MOSPD2: variants seen among roughly 807,000 people sequenced by gnomAD.
MOSPD2 encodes the protein motile sperm domain-containing protein 2.
A neutral mutation model predicts 41.7 loss-of-function variants in MOSPD2; 5 were observed. The ratio of observed to expected loss-of-function variants is 0.12; its 90% confidence interval spans 0.06 to 0.25. MOSPD2 has a LOEUF of 0.25. Ranked by LOEUF, MOSPD2 falls within the 10% of genes least tolerant of loss-of-function variation. The probability of loss-of-function intolerance (pLI) is 1.00; values close to 1 mark genes in which losing one functional copy is unlikely to be tolerated. For missense variants in MOSPD2, 282 were observed against 375.2 expected, an observed-to-expected ratio of 0.75 and a Z score of 2.05; for synonymous variants, 115 against 126.9, an observed-to-expected ratio of 0.91 and a Z score of 0.63.
At chrX:14,886,551 G>C (rs2092541879) in intron 2 of MOSPD2, among the ~76,000 whole-genome samples, 1 of 102,958 alleles carries the variant, frequency 9.7e-6, no homozygotes, top group Non-Finnish European at 1.9e-5. Context: ...ACACACGAGA[G>C]AGAGAGAGAG....
Position 14,892,576 on chromosome X carries a change from T to G in MOSPD2, c.80-147T>G, listed in dbSNP as rs190186415. ...ACAATAGCACCATCAATCTTTTAAA[T>G]GGCGCTTTTATCTGAACTACATCCC... On this transcript the variant is annotated intron_variant, in intron 2 of 14. Transcript: ENST00000380492. The G allele has an allele frequency of 2.6e-3, 1,188 of 450,663 alleles. 9 individuals carry two copies. Among genetic ancestry groups the G allele is most frequent in the Middle Eastern group, 7.9e-3 (12 of 1,523 alleles). 37.1% of individuals were successfully genotyped at this position (450,663 alleles called of 1,213,427 possible). A position where few individuals can be genotyped will look rare whatever the true frequency, so the allele number is the denominator to read the frequency against.
chrX:14,916,201 A>T lies in MOSPD2; in HGVS notation c.1191A>T (p.Leu397Phe). ...VDIVVSPHGG[L>F]TVSAQDRFLI... is the part of the protein sequence containing the mutation. ...AATTACCCTTTTGGAATGCAGGTTT[A>T]ACAGTCTCTGCCCAAGACCGTTTTC... Residue 397 changes from leucine (L) to phenylalanine (F), a missense_variant, in exon 13 of 15, where the codon TTA becomes TTT. Transcript: ENST00000380492. The T allele has an allele frequency of 8.3e-7, 1 of 1,211,809 alleles. No individual in the cohort carries two copies. Among genetic ancestry groups the T allele is most frequent in the African/African-American group, 1.7e-5 (1 of 57,831 alleles).
chrX:14,884,737 A>G (rs1431039254), intron 2 of MOSPD2, among the ~76,000 whole-genome samples: 1 of 111,925 alleles, frequency 8.9e-6, no homozygotes, highest in African/African-American at 3.2e-5. Context: ...AGATGGAAAA[A>G]GATATACAAA....
chrX:14,911,526 T>A (rs1326543552), intron 9 of MOSPD2, 113 bp downstream of exon 9: 6 of 510,967 alleles, frequency 1.2e-5, no homozygotes, highest in Non-Finnish European at 9.3e-6. Flanking sequence ...CCCTTCCACA[T>A]TTTTGTGTGT....
At chrX:14,888,014 T>G (rs1393825131) in intron 2 of MOSPD2, among the ~76,000 whole-genome samples, 1 of 110,893 alleles carries the variant, frequency 9.0e-6, no homozygotes, top group Non-Finnish European at 1.9e-5. Flanking sequence ...CATAGGGTGC[T>G]GATAGTTCAT....
intron 2 of MOSPD2, among the ~76,000 whole-genome samples, chrX:14,889,852 T>C (rs1393202075): frequency 1.8e-5 from 2 of 111,993 alleles, no homozygotes; most frequent in Non-Finnish European, 3.8e-5. Flanking sequence ...TGGTATTCCC[T>C]AGTGATGGTA....
chrX:14,901,284 A>G lies in MOSPD2; in HGVS notation c.538+649A>G, dbSNP rs143340671. Among the ~76,000 whole-genome samples the G allele has an allele frequency of 3.3e-3, 367 of 111,298 alleles. 3 individuals carry two copies. Among genetic ancestry groups the G allele is most frequent in the African/African-American group, 0.011 (343 of 30,608 alleles). On this transcript the variant is annotated intron_variant, in intron 6 of 14. Transcript: ENST00000380492. ...TCACCCTAGGGAAGCCGAGATGCCA[A>G]CTCACATAAACAGTCAAGTATATTT...
At chrX:14,900,117 G>C (rs2092570607) in intron 5 of MOSPD2, among the ~76,000 whole-genome samples, 1 of 112,221 alleles carries the variant, frequency 8.9e-6, no homozygotes, top group Non-Finnish European at 1.9e-5. Context: ...ACACTATTAT[G>C]TGGTGTAAAA....
chrX:14,917,973 G>A (rs949721667), intron 13 of MOSPD2, among the ~76,000 whole-genome samples: 3 of 112,178 alleles, frequency 2.7e-5, no homozygotes, highest in African/African-American at 9.7e-5. Context: ...GTCCGGAGGA[G>A]GGAGAAGCAG....
chrX:14,887,742 GAAAC>G (rs1569101016), intron 2 of MOSPD2, among the ~76,000 whole-genome samples: 1 of 111,572 alleles, frequency 9.0e-6, no homozygotes, highest in African/African-American at 3.3e-5. Context: ...GTGTGAGAGA[GAAAC>G]AGTGAGTGAG....
At chrX:14,887,223 A>G (rs1758342758) in intron 2 of MOSPD2, among the ~76,000 whole-genome samples, 1 of 112,473 alleles carries the variant, frequency 8.9e-6, no homozygotes, top group African/African-American at 3.2e-5. Flanking sequence ...AGAATACTTT[A>G]TATTTTTTCA....
chrX:14,887,526 A>T (rs920449394), intron 2 of MOSPD2, among the ~76,000 whole-genome samples: 3 of 110,732 alleles, frequency 2.7e-5, no homozygotes, highest in Non-Finnish European at 5.7e-5. Context: ...CCATCATTCT[A>T]CTCTATATCC....
chrX:14,908,391 T>A (rs750056331), intron 7 of MOSPD2, among the ~76,000 whole-genome samples: 1 of 112,201 alleles, frequency 8.9e-6, no homozygotes, highest in South Asian at 3.7e-4. Context: ...TGGATCCAGC[T>A]CACACTCATA....
At chrX:14,877,619 G>T (rs1442759310) in intron 2 of MOSPD2, among the ~76,000 whole-genome samples, 4 of 107,674 alleles carry the variant, frequency 3.7e-5, no homozygotes, top group East Asian at 3.0e-4. Context: ...GGGATTACAG[G>T]CGTGAGCCAC....
chrX:14,911,820 G>A lies in MOSPD2; in HGVS notation c.879+407G>A, dbSNP rs138757261. ...GAAGATCGCTTGAGCCCAGGAGGTCGAGGCTGTACTGAGCCATGATTGTGC... is the reference window on the plus strand; with the variant it reads ...GAAGATCGCTTGAGCCCAGGAGGTCAAGGCTGTACTGAGCCATGATTGTGC... On this transcript the variant is annotated intron_variant, in intron 9 of 14. Coordinates refer to ENST00000380492, the MANE Select transcript of MOSPD2 (RefSeq NM_152581.4). Among the ~76,000 whole-genome samples, 853 of 112,052 alleles carry A rather than the reference G, an allele frequency of 7.6e-3. 11 individuals carry two copies. Among genetic ancestry groups the A allele is most frequent in the African/African-American group, 0.026 (811 of 30,825 alleles).
At chrX:14,892,662 G>T (rs1194300938) in intron 2 of MOSPD2, 61 bp from the exon 3 acceptor site, 1 of 915,728 alleles carries the variant, frequency 1.1e-6, no homozygotes, top group African/African-American at 2.0e-5. Flanking sequence ...TTTGCCATTA[G>T]TGGTTATTTT....
chrX:14,914,427 T>G, intron 10 of MOSPD2, 76 bp from the exon 11 acceptor site: 3 of 637,707 alleles, frequency 4.7e-6, no homozygotes, highest in Non-Finnish European at 4.9e-6. Flanking sequence ...AACTAAATAT[T>G]TTTCTTCAAG....
intron 9 of MOSPD2, 47 bp from the exon 10 acceptor site, chrX:14,912,202 G>A (rs1414961438): frequency 1.1e-6 from 1 of 873,064 alleles, no homozygotes; most frequent in East Asian, 3.4e-5. Context: ...GATGTTAATG[G>A]TCATGTTAAT....
At position 14,875,393 on chromosome X, in the gene MOSPD2, C is replaced by T. The variant is rs6631250; in HGVS notation, c.79+1635C>T. The stretch of plus-strand genomic sequence containing the variant: ...GATCTGGCTCTTGCCAGCCCCCACC[C>T]GCCATCCTCATCTGTTACTACTCTG... On this transcript the variant is annotated intron_variant, in intron 2 of 14. Transcript: ENST00000380492. Among the ~76,000 whole-genome samples the T allele has an allele frequency of 8.9e-5, 10 of 111,966 alleles. No individual in the cohort carries two copies. In the East Asian group the frequency reaches 1.7e-3, roughly 19 times the overall value.
Sources: allele counts gnomAD v4.1 joint callset (sites outside exome capture counted in the v4.1 genomes callset), GRCh38; gene constraint gnomAD v4.1.1; transcripts MANE v1.5; gene names NCBI Gene and HGNC (gene_info 2026-07-23, HGNC 2026-07-21).